Variants in NRXN1 observed in about 807,000 individuals in gnomAD.
NRXN1 encodes the protein neurexin 1.
NRXN1 carries 39 observed loss-of-function variants against 150.9 expected under a neutral mutation model. The observed-to-expected ratio is 0.26, with a 90% CI of 0.20 to 0.34. The LOEUF (loss-of-function observed/expected upper bound fraction) is 0.34, where lower values mean the gene tolerates loss of function less well. Ranked by LOEUF, NRXN1 falls within the 10% of genes least tolerant of loss-of-function variation. The probability of loss-of-function intolerance (pLI) is 1.00; values close to 1 mark genes in which losing one functional copy is unlikely to be tolerated. For synonymous variants in NRXN1, 924 were observed against 757.0 expected (o/e 1.22, Z -3.62); for missense variants, 1,815 against 1,949.9 (o/e 0.93, Z 1.30).
chr2:50,037,145 A>AAAT (rs1690165265), intron 21 of NRXN1, among the ~76,000 whole-genome samples: 1 of 152,208 alleles, frequency 6.6e-6, no homozygotes, highest in Non-Finnish European at 1.5e-5. Context: ...GGTTAACTTT[A>AAAT]AATTAATAGA....
At chr2:50,753,387 A>T (rs908202298) in intron 5 of NRXN1, among the ~76,000 whole-genome samples, 1 of 151,888 alleles carries the variant, frequency 6.6e-6, no homozygotes, top group Admixed American at 6.6e-5. Flanking sequence ...GGCTCCTAGC[A>T]AAAACAAATG....
intron 12 of NRXN1, among the ~76,000 whole-genome samples, chr2:50,517,909 T>G (rs2092675679): frequency 6.6e-6 from 1 of 152,110 alleles, no homozygotes. Context: ...ACAAAATAAA[T>G]TTCAGTATTT....
intron 21 of NRXN1, among the ~76,000 whole-genome samples, chr2:49,991,710 G>A (rs1384610284): frequency 6.6e-6 from 1 of 152,036 alleles, no homozygotes; most frequent in African/African-American, 2.4e-5. Flanking sequence ...CAAAATCCTG[G>A]CAAGTTATTT....
intron 2 of NRXN1, among the ~76,000 whole-genome samples, chr2:50,937,985 T>C (rs954343791): frequency 6.6e-6 from 1 of 152,132 alleles, no homozygotes; most frequent in Non-Finnish European, 1.5e-5. Context: ...CCATGTAGCA[T>C]GTTACTGTAC....
intron 18 of NRXN1, among the ~76,000 whole-genome samples, chr2:50,162,543 G>C (rs2059423709): frequency 6.6e-6 from 1 of 151,944 alleles, no homozygotes; most frequent in African/African-American, 2.4e-5. Flanking sequence ...GGCAGAAATG[G>C]AACCAGAAGA....
chr2:50,456,441 C>T (rs928227734), intron 17 of NRXN1, among the ~76,000 whole-genome samples: 7 of 152,050 alleles, frequency 4.6e-5, no homozygotes, highest in Non-Finnish European at 5.9e-5. Flanking sequence ...AGTTAAAACA[C>T]GTATAGCATC....
intron 17 of NRXN1, among the ~76,000 whole-genome samples, chr2:50,364,617 A>G (rs1030693876): frequency 1.3e-5 from 2 of 152,124 alleles, no homozygotes; most frequent in Non-Finnish European, 2.9e-5. Context: ...TGATCTTATC[A>G]GTCATGCACT....
intron 15 of NRXN1, among the ~76,000 whole-genome samples, chr2:50,488,000 T>C (rs1325388751): frequency 6.6e-6 from 1 of 152,200 alleles, no homozygotes; most frequent in Non-Finnish European, 1.5e-5. Context: ...AAACAAATGC[T>C]GCTCACTCAA....
At chr2:50,111,059 A>G (rs1702311272) in intron 18 of NRXN1, among the ~76,000 whole-genome samples, 2 of 152,180 alleles carry the variant, frequency 1.3e-5, no homozygotes, top group Non-Finnish European at 2.9e-5. Context: ...GAGACGATAA[A>G]CAGGAAATTT....
intron 2 of NRXN1, among the ~76,000 whole-genome samples, chr2:51,008,640 T>A (rs1010795022): frequency 6.6e-6 from 1 of 151,850 alleles, no homozygotes. Flanking sequence ...TTATAATACA[T>A]CATTTTAATT....
intron 17 of NRXN1, among the ~76,000 whole-genome samples, chr2:50,335,375 A>G (rs1052072890): frequency 6.6e-6 from 1 of 152,176 alleles, no homozygotes; most frequent in Non-Finnish European, 1.5e-5. Context: ...TGGGCTAGGA[A>G]GCACTGTTTC....
chr2:50,851,350 T>A (rs1197461874), intron 5 of NRXN1, among the ~76,000 whole-genome samples: 1 of 152,206 alleles, frequency 6.6e-6, no homozygotes, highest in African/African-American at 2.4e-5. Flanking sequence ...TCAGGGACTC[T>A]CAAAGACAAT....
At chr2:49,950,941 G>A (rs1673839511) in intron 21 of NRXN1, among the ~76,000 whole-genome samples, 2 of 151,940 alleles carry the variant, frequency 1.3e-5, no homozygotes, top group African/African-American at 2.4e-5. Flanking sequence ...CCATAAATCA[G>A]CTGTCTGCTT....
chr2:50,692,641 C>T (rs1292568887), intron 5 of NRXN1, among the ~76,000 whole-genome samples: 1 of 152,090 alleles, frequency 6.6e-6, no homozygotes, highest in African/African-American at 2.4e-5. Context: ...TTTTTGTAAT[C>T]TCGTTAGATT....
At chr2:50,148,829 C>T (rs947055860) in intron 18 of NRXN1, among the ~76,000 whole-genome samples, 4 of 151,716 alleles carry the variant, frequency 2.6e-5, no homozygotes, top group Non-Finnish European at 4.4e-5. Flanking sequence ...TCTGAGAATT[C>T]ACCTGAGTCC....
intron 2 of NRXN1, among the ~76,000 whole-genome samples, chr2:50,943,892 T>C (rs897910385): frequency 1.3e-5 from 2 of 152,172 alleles, no homozygotes; most frequent in Non-Finnish European, 2.9e-5. Context: ...CCTAAGCAAC[T>C]CCTTACAACA....
At chr2:50,499,074 C>T (rs867187154) in intron 13 of NRXN1, among the ~76,000 whole-genome samples, 1 of 152,096 alleles carries the variant, frequency 6.6e-6, no homozygotes, top group Non-Finnish European at 1.5e-5. Flanking sequence ...TTTCTTTAGT[C>T]AAGACAGTAA....
chr2:50,961,004 G>GT (rs1238766574), intron 2 of NRXN1, among the ~76,000 whole-genome samples: 1 of 151,812 alleles, frequency 6.6e-6, no homozygotes. Flanking sequence ...TAGTATATAA[G>GT]TTTTTGTAAA....
At chr2:50,235,766 G>T (rs754725377) in intron 18 of NRXN1, among the ~76,000 whole-genome samples, 9 of 151,892 alleles carry the variant, frequency 5.9e-5, no homozygotes, top group Non-Finnish European at 1.3e-4. Flanking sequence ...AACTTCCATG[G>T]TCGCTTAATG....
Sources: allele counts gnomAD v4.1 joint callset (sites outside exome capture counted in the v4.1 genomes callset), GRCh38; gene constraint gnomAD v4.1.1; transcripts MANE v1.5; gene names NCBI Gene and HGNC (gene_info 2026-07-23, HGNC 2026-07-21).